Variants in NOS1 observed in about 807,000 individuals in gnomAD.
NOS1 encodes NOS type I.
In NOS1, 51 loss-of-function variants were observed where a neutral mutation model predicts 164.5. That is an observed-to-expected ratio of 0.31 (90% confidence interval 0.25 to 0.39). The LOEUF is 0.39. Ranked by LOEUF, NOS1 falls within the 10% of genes least tolerant of loss-of-function variation. NOS1 has a pLI of 1.00. For missense variants in NOS1, 1,362 were observed against 1,885.6 expected, an observed-to-expected ratio of 0.72 and a Z score of 5.14; for synonymous variants, 719 against 745.8, an observed-to-expected ratio of 0.96 and a Z score of 0.59.
chr12:117,322,062 TTCCC>T (rs779688525), intron 2 of NOS1, among the ~76,000 whole-genome samples: 48 of 125,546 alleles, frequency 3.8e-4, no homozygotes, highest in East Asian at 1.9e-3. Context: ...CCCTCCTTCC[TTCCC>T]TCCCTCCCTC....
At chr12:117,279,374 CAAA>C (rs113921998) in intron 8 of NOS1, among the ~76,000 whole-genome samples, 2 of 148,550 alleles carry the variant, frequency 1.3e-5, no homozygotes, top group South Asian at 2.1e-4. Context: ...TCTCAAAAAA[CAAA>C]AAAAAAACCA....
intron 20 of NOS1, among the ~76,000 whole-genome samples, chr12:117,241,946 T>A (rs992688868): frequency 1.3e-5 from 2 of 152,144 alleles, no homozygotes; most frequent in African/African-American, 4.8e-5. Context: ...TGGGAAACCA[T>A]CTCTTAGGAA....
At chr12:117,323,418 A>T (rs752580636) in intron 2 of NOS1, among the ~76,000 whole-genome samples, 14 of 152,250 alleles carry the variant, frequency 9.2e-5, no homozygotes, top group Non-Finnish European at 1.9e-4. Context: ...GTGGCCAACA[A>T]TGCAATCCAG....
At chr12:117,236,795 C>T (rs539376424) in intron 20 of NOS1, among the ~76,000 whole-genome samples, 2 of 152,346 alleles carry the variant, frequency 1.3e-5, no homozygotes, top group East Asian at 3.9e-4. Context: ...ATGCAGAGGA[C>T]CCAAACTTGC....
intron 25 of NOS1, among the ~76,000 whole-genome samples, chr12:117,223,529 G>A (rs577663409): frequency 4.0e-5 from 6 of 151,730 alleles, no homozygotes; most frequent in Admixed American, 1.3e-4. Context: ...CAAAGTGTTA[G>A]GATTATAAGC....
intron 2 of NOS1, among the ~76,000 whole-genome samples, chr12:117,326,378 T>C (rs1234040480): frequency 1.5e-5 from 2 of 135,472 alleles, no homozygotes; most frequent in Non-Finnish European, 3.1e-5. Context: ...AAAGCGAGAC[T>C]CTGTCTCAAA....
At chr12:117,265,542 G>A (rs1480922714) in intron 11 of NOS1, 32 bp from the exon 12 acceptor site, 5 of 1,426,334 alleles carry the variant, frequency 3.5e-6, no homozygotes, top group South Asian at 1.6e-5. Context: ...GGGTCAGGAG[G>A]TATGAGAAGC....
chr12:117,213,856 A>G lies in NOS1; in HGVS notation c.*1453T>C. On this transcript the variant is annotated 3_prime_UTR_variant, in exon 29 of 29. Coordinates refer to ENST00000317775, the MANE Select transcript of NOS1 (RefSeq NM_000620.5). ...AGTATTTAAAAAAGTATACAAAGGG[A>G]TCCCTTCCCACCATTTACTCTGAGA... is the stretch of plus-strand genomic sequence containing the variant. 8.1e-6 allele frequency: 8 copies of G among 985,278 alleles called. No individual in the cohort carries two copies. Among genetic ancestry groups the G allele is most frequent in the Non-Finnish European group, 9.6e-6 (8 of 829,888 alleles). 61.0% of individuals were successfully genotyped at this position (985,278 alleles called of 1,614,324 possible). A position where few individuals can be genotyped will look rare whatever the true frequency, so the allele number is the denominator to read the frequency against.
At chr12:117,329,699 G>C (rs1875433292) in intron 2 of NOS1, among the ~76,000 whole-genome samples, 2 of 152,164 alleles carry the variant, frequency 1.3e-5, no homozygotes, top group African/African-American at 4.8e-5. Context: ...CAAACACAGA[G>C]GGCTGGTACC....
At chr12:117,253,858 C>A in intron 16 of NOS1, 104 bp from the exon 17 acceptor site, 1 of 751,490 alleles carries the variant, frequency 1.3e-6, no homozygotes, top group Non-Finnish European at 2.4e-6. Flanking sequence ...CTAGGGCCTT[C>A]TCTTGTATGT....
At position 117,210,175 on chromosome 12, in the gene NOS1, T is replaced by G. The variant is rs966283340; in HGVS notation, c.*5134A>C. 20 of 494,174 alleles carry G rather than the reference T, an allele frequency of 4.0e-5. No homozygotes were observed. Among genetic ancestry groups the G allele is most frequent in the Non-Finnish European group, 4.7e-5 (18 of 383,192 alleles). The allele number at this position is 494,174 out of a possible 1,614,324, so 30.6% of individuals were successfully genotyped here. On this transcript the variant is annotated 3_prime_UTR_variant, in exon 29 of 29. Transcript: ENST00000317775. ...TTTTTTTTTTTAGTAGAGACGAGATTGCGCTGTGTTGCCCAAGCTGGTCTC... is the reference window on the plus strand; with the variant it reads ...TTTTTTTTTTTAGTAGAGACGAGATGGCGCTGTGTTGCCCAAGCTGGTCTC...
chr12:117,358,630 C>T (rs546110215), intron 1 of NOS1, among the ~76,000 whole-genome samples: 2 of 152,340 alleles, frequency 1.3e-5, no homozygotes, highest in Admixed American at 1.3e-4. Flanking sequence ...TTACTGTTCT[C>T]ATTTTACAGA....
chr12:117,349,520 T>C (rs1375031830), intron 1 of NOS1, among the ~76,000 whole-genome samples: 1 of 152,208 alleles, frequency 6.6e-6, no homozygotes, highest in East Asian at 1.9e-4. Context: ...TGGAACTAGA[T>C]AGAGGCAATG....
chr12:117,321,326 C>T (rs532072229), intron 2 of NOS1, among the ~76,000 whole-genome samples: 1 of 152,310 alleles, frequency 6.6e-6, no homozygotes. Context: ...TTTTTGATTT[C>T]TCATCTCTGA....
At position 117,243,264 on chromosome 12, in the gene NOS1, C is replaced by A. The variant is rs763289274; in HGVS notation, c.2962+33G>T. 1 of 1,611,118 alleles carries A rather than the reference C, an allele frequency of 6.2e-7. No homozygotes were observed. Among genetic ancestry groups the A allele is most frequent in the South Asian group, 1.1e-5 (1 of 90,450 alleles). ...ATCACCTGCCTTTCCCCCATTGTCA[C>A]GAATACCTCCCTGGAAGGGTGGTGG... On this transcript the variant is annotated intron_variant, in intron 19 of 28. Coordinates refer to ENST00000317775, the MANE Select transcript of NOS1 (RefSeq NM_000620.5). This position sits in a 1 kb window ranked among gnomAD's most constrained non-coding sequence, Gnocchi z 4.3.
intron 1 of NOS1, among the ~76,000 whole-genome samples, chr12:117,335,701 G>C (rs1875773153): frequency 7.4e-6 from 1 of 135,384 alleles, no homozygotes; most frequent in Non-Finnish European, 1.5e-5. Flanking sequence ...CTCTGCATAG[G>C]GGTTTTATTT....
At chr12:117,344,976 C>T (rs1014716307) in intron 1 of NOS1, among the ~76,000 whole-genome samples, 30 of 150,922 alleles carry the variant, frequency 2.0e-4, no homozygotes, top group Admixed American at 5.3e-4. Flanking sequence ...AGATCAAACG[C>T]GGGCTATTAT....
chr12:117,276,592 C>T (rs1873201665), intron 9 of NOS1, among the ~76,000 whole-genome samples: 1 of 151,860 alleles, frequency 6.6e-6, no homozygotes, highest in African/African-American at 2.4e-5. Flanking sequence ...TTTCTTTCTT[C>T]TACCTCTTAA....
intron 20 of NOS1, among the ~76,000 whole-genome samples, chr12:117,236,874 G>C (rs1869759682): frequency 6.6e-6 from 1 of 152,226 alleles, no homozygotes; most frequent in Admixed American, 6.5e-5. Flanking sequence ...TGGCCGTGCA[G>C]ACAAGGAGCA....
Sources: gnomAD v4.1 joint callset for allele counts (sites outside exome capture counted in the v4.1 genomes callset) on GRCh38, gnomAD v4.1.1 for gene constraint, Gnocchi (gnomAD v3.1) non-coding constraint, MANE v1.5 for transcripts, NCBI Gene and HGNC (gene_info 2026-07-23, HGNC 2026-07-21) for gene names.